SLC35A3: variants seen among roughly 807,000 people sequenced by gnomAD.
SLC35A3 encodes the protein solute carrier family 35 member A3, also known as UDP-N-acetylglucosamine transporter.
SLC35A3 carries 26 observed loss-of-function variants against 39.0 expected under a neutral mutation model. The observed-to-expected ratio is 0.67, with a 90% CI of 0.49 to 0.92. The LOEUF is 0.92. SLC35A3 is among the 40% of genes least tolerant of loss of function. The pLI is 0.00. For synonymous variants in SLC35A3, 135 were observed against 133.1 expected, an observed-to-expected ratio of 1.01 and a Z score of -0.10; for missense variants, 299 against 371.6, an observed-to-expected ratio of 0.80 and a Z score of 1.61.
At chr1:99,978,790 T>C (rs1056620193) in intron 1 of SLC35A3, 1 of 152,252 alleles carries the variant, frequency 6.6e-6, no homozygotes. Flanking sequence ...AAAGTATTTA[T>C]TGAGTGCATA....
rs186320099 is a variant in SLC35A3 at position 100,015,029 on chromosome 1, G to A, written c.635-273G>A. Among the ~76,000 whole-genome samples, 16 of 151,820 alleles carry A rather than the reference G, an allele frequency of 1.1e-4. No individual in the cohort carries two copies. In the South Asian group the frequency reaches 2.5e-3, roughly 24 times the overall value. On this transcript the variant is annotated intron_variant, in intron 5 of 7. Transcript: ENST00000533028. ...AAAAATTAGCTGGGCGTGGTGGCAC[G>A]CGCCTGTAGTCCCAGCTACTCGGGA...
chr1:99,971,498 G>A (rs764188094), intron 1 of SLC35A3, among the ~76,000 whole-genome samples: 6 of 151,936 alleles, frequency 3.9e-5, no homozygotes, highest in Non-Finnish European at 7.4e-5. Flanking sequence ...TAATAGAGAC[G>A]GGGTTTCACC....
chr1:99,985,212 T>A (rs983214364), intron 1 of SLC35A3, among the ~76,000 whole-genome samples: 1 of 152,230 alleles, frequency 6.6e-6, no homozygotes, highest in African/African-American at 2.4e-5. Flanking sequence ...GGTCTTAGAT[T>A]TAAGTCCTTG....
intron 1 of SLC35A3, among the ~76,000 whole-genome samples, chr1:99,989,906 A>G (rs916621694): frequency 2.6e-5 from 4 of 151,940 alleles, no homozygotes; most frequent in African/African-American, 9.7e-5. Context: ...CTGGGACCAC[A>G]GGTGCATGCC....
chr1:99,970,552 G>A, intron 1 of SLC35A3: 1 of 1,536,018 alleles, frequency 6.5e-7, no homozygotes. Flanking sequence ...CTCTCGCTCG[G>A]TGTTGAGCCC....
At chr1:100,013,197 T>C (rs540007936) in intron 5 of SLC35A3, among the ~76,000 whole-genome samples, 30 of 152,212 alleles carry the variant, frequency 2.0e-4, no homozygotes, top group African/African-American at 7.0e-4. Flanking sequence ...TAAAAAACTT[T>C]ATTGGGTTTG....
In SLC35A3 at chr1:100,029,848, CATATAT is replaced by C. The variant is rs201157767; in HGVS notation, c.*7382_*7387del. ...TTATAATCAGATATTGTGTTAAGAACATATATATATATATAGAGAGAGAGAGAGCAT... is the reference window on the plus strand; with the variant it reads ...TTATAATCAGATATTGTGTTAAGAACATATATATAGAGAGAGAGAGAGCAT... On this transcript the variant is annotated 3_prime_UTR_variant, in exon 8 of 8. Transcript: ENST00000533028. 1.6e-4 allele frequency: 24 copies of C among 150,438 alleles called. No individual in the cohort carries two copies. Among genetic ancestry groups the C allele is most frequent in the African/African-American group, 5.6e-4 (23 of 40,862 alleles). 9.3% of individuals were successfully genotyped at this position (150,438 alleles called of 1,614,324 possible). A position where few individuals can be genotyped will look rare whatever the true frequency, so the allele number is the denominator to read the frequency against.
intron 1 of SLC35A3, among the ~76,000 whole-genome samples, chr1:99,982,069 A>G (rs1054695959): frequency 6.7e-6 from 1 of 150,126 alleles, no homozygotes; most frequent in Non-Finnish European, 1.5e-5. Flanking sequence ...CAGTGGCACA[A>G]TCTCAGCTCA....
chr1:99,982,693 A>AT (rs1182394759), intron 1 of SLC35A3, among the ~76,000 whole-genome samples: 2 of 152,328 alleles, frequency 1.3e-5, no homozygotes, highest in Admixed American at 6.5e-5. Context: ...ATAAGCTAAT[A>AT]TTTTTTGTAT....
At chr1:99,981,152 CT>C (rs1488711438) in intron 1 of SLC35A3, among the ~76,000 whole-genome samples, 1 of 152,110 alleles carries the variant, frequency 6.6e-6, no homozygotes, top group Non-Finnish European at 1.5e-5. Context: ...TATGTATATA[CT>C]TTTTTCTGTT....
chr1:100,004,947 G>C lies in SLC35A3; in HGVS notation c.343-2087G>C, dbSNP rs540065890. 7.0e-4 allele frequency among the ~76,000 whole-genome samples: 107 copies of C among 152,078 alleles called. 1 individual carries two copies. Among genetic ancestry groups the C allele is most frequent in the African/African-American group, 2.5e-3 (104 of 41,504 alleles). ...AATTTTTGTATTTTTAGTAGAGACG[G>C]GGTTTCATCATGTTGGCCAGGCTGG... On this transcript the variant is annotated intron_variant, in intron 3 of 7. Coordinates refer to ENST00000533028, the MANE Select transcript of SLC35A3 (RefSeq NM_012243.3).
intron 1 of SLC35A3, among the ~76,000 whole-genome samples, chr1:99,979,324 T>C (rs1256856899): frequency 6.6e-6 from 1 of 152,184 alleles, no homozygotes; most frequent in Admixed American, 6.6e-5. Context: ...ATTCCTTTTC[T>C]TGTGCCTGCA....
chr1:99,980,866 T>C (rs1657414098), intron 1 of SLC35A3, among the ~76,000 whole-genome samples: 1 of 152,230 alleles, frequency 6.6e-6, no homozygotes, highest in African/African-American at 2.4e-5. Flanking sequence ...AATTACTTTC[T>C]ACTTATTTCT....
rs1162427706 is a variant in SLC35A3, at chr1:100,023,246, T to G, written c.*770T>G. On this transcript the variant is annotated 3_prime_UTR_variant, in exon 8 of 8. Coordinates refer to ENST00000533028, the MANE Select transcript of SLC35A3 (RefSeq NM_012243.3). ...TAATCTCTTCATTGCATTTCATTTC[T>G]GTAAATCAGATTAAGTCCTTAATAT... 6.6e-6 allele frequency: 1 copy of G among 152,184 alleles called. No homozygotes were observed. Among genetic ancestry groups the G allele is most frequent in the Non-Finnish European group, 1.5e-5 (1 of 68,028 alleles). The allele number at this position is 152,184 out of a possible 1,614,324, so 9.4% of individuals were successfully genotyped here.
chr1:100,015,546 T>C (rs1660039747), intron 6 of SLC35A3, 126 bp downstream of exon 6: 4 of 1,030,972 alleles, frequency 3.9e-6, no homozygotes, highest in Non-Finnish European at 5.2e-6. Context: ...TCGTATCTAG[T>C]TTATTCAAGG....
At chr1:100,001,597 A>G (rs1658804829) in intron 3 of SLC35A3, among the ~76,000 whole-genome samples, 1 of 151,948 alleles carries the variant, frequency 6.6e-6, no homozygotes, top group Non-Finnish European at 1.5e-5. Context: ...GAGTTTTTTT[A>G]ATGGAATCTT....
At chr1:100,001,218 A>G (rs1658768110) in intron 3 of SLC35A3, among the ~76,000 whole-genome samples, 1 of 152,054 alleles carries the variant, frequency 6.6e-6, no homozygotes, top group African/African-American at 2.4e-5. Flanking sequence ...TATGAATTTT[A>G]GGATTGTTTT....
In SLC35A3 at chr1:99,976,948, C is replaced by A. The variant is rs77903772; in HGVS notation, c.-19+6786C>A. Among the ~76,000 whole-genome samples, 1,394 of 152,078 alleles carry A rather than the reference C, an allele frequency of 9.2e-3. 25 individuals are homozygous for A. Among genetic ancestry groups the A allele is most frequent in the African/African-American group, 0.032 (1,344 of 41,460 alleles). On this transcript the variant is annotated intron_variant, in intron 1 of 7. Transcript: ENST00000533028. ...CATGTAACAAACGTGCATACCTACC[C>A]CTTACCTTCAATCTAAAATAAAAGT...
At chr1:100,011,571 G>T in intron 5 of SLC35A3, 38 bp downstream of exon 5, 2 of 800,982 alleles carry the variant, frequency 2.5e-6, no homozygotes, top group South Asian at 3.5e-5. Context: ...TTTTAAAAAT[G>T]ATTATATTGT....
Sources: gnomAD v4.1 joint callset for allele counts (sites outside exome capture counted in the v4.1 genomes callset) on GRCh38, gnomAD v4.1.1 for gene constraint, MANE v1.5 for transcripts, NCBI Gene and HGNC (gene_info 2026-07-23, HGNC 2026-07-21) for gene names.